The following PCDHGA4 variants were observed in gnomAD, a reference collection of about 807,000 sequenced individuals.
The protein encoded by PCDHGA4 is protocadherin gamma subfamily A, 4, also known as protocadherin gamma-A4.
Under a neutral mutation model 54.6 loss-of-function variants are expected in PCDHGA4, and 38 were observed. The ratio of observed to expected loss-of-function variants is 0.70; its 90% confidence interval spans 0.54 to 0.91. PCDHGA4 has a LOEUF of 0.91. Ranked by LOEUF, PCDHGA4 falls within the 40% of genes least tolerant of loss-of-function variation. PCDHGA4 has a pLI of 0.00. For synonymous variants in PCDHGA4, 511 were observed against 512.9 expected, an observed-to-expected ratio of 1.00 and a Z score of 0.05; for missense variants, 1,298 against 1,220.9, an observed-to-expected ratio of 1.06 and a Z score of -0.94.
chr5:141,428,108 G>C (rs771684309), intron 1 of PCDHGA4: 6 of 1,608,094 alleles, frequency 3.7e-6, no homozygotes, highest in Admixed American at 1.7e-5. Context: ...ACGTGCTGCA[G>C]GCCATCGAGC....
At position 141,493,887 on chromosome 5, in the gene PCDHGA4, G is replaced by C. The variant is rs760575047; in HGVS notation, c.2515-920G>C. On this transcript the variant is annotated intron_variant, in intron 1 of 3. Transcript: ENST00000571252. This position sits in a 1 kb window ranked among gnomAD's most constrained non-coding sequence, Gnocchi z 4.3. Reference sequence around the variant, plus strand: ...AGAACCAGTGAGGAGGTGGCTCTAGGAGTGCTCCATGAGAGTGTGTGATGG... The same window carrying C: ...AGAACCAGTGAGGAGGTGGCTCTAGCAGTGCTCCATGAGAGTGTGTGATGG... Among the ~76,000 whole-genome samples, 11 of 152,184 alleles carry C rather than the reference G, an allele frequency of 7.2e-5. No homozygotes were observed. Among genetic ancestry groups the C allele is most frequent in the Non-Finnish European group, 1.2e-4 (8 of 68,026 alleles).
In PCDHGA4 at chr5:141,486,172, T is replaced by C; in HGVS notation, c.2515-8635T>C. ...GGGGTTCTCCAGCCATGGAGCAACA[T>C]TGCAGCCTTCGAGTGGATCTGCTGG... On this transcript the variant is annotated intron_variant, in intron 1 of 3. Transcript: ENST00000571252. The surrounding 1 kb of genome is among the most constrained non-coding windows in gnomAD (Gnocchi z 5.0). 3 of 1,614,212 alleles carry C rather than the reference T, an allele frequency of 1.9e-6. No homozygotes were observed. Among genetic ancestry groups the C allele is most frequent in the Admixed American group, 1.7e-5 (1 of 60,036 alleles).
intron 1 of PCDHGA4, chr5:141,417,676 C>A (rs902104404): frequency 4.0e-6 from 4 of 993,448 alleles, no homozygotes; most frequent in Middle Eastern, 3.3e-4. Flanking sequence ...GCGCAGCCAA[C>A]AACAGAAAAG....
In PCDHGA4 at chr5:141,356,062, A is replaced by C; in HGVS notation, c.955A>C (p.Ile319Leu). 6.2e-7 allele frequency: 1 copy of C among 1,613,922 alleles called. No individual in the cohort carries two copies. The highest frequency in any genetic ancestry group is 8.5e-7 in the Non-Finnish European group (1 of 1,179,880). The change falls in exon 1 of 4, where the codon ATA (isoleucine) becomes CTA (leucine). Residue 319 changes from isoleucine (I) to leucine (L), a missense_variant. Transcript: ENST00000571252. ...TYSFRKVRDK[I>L]SQLFQLNSLS... ...TTCTTTCCGGAAAGTAAGAGACAAA[A>C]TATCACAGCTATTTCAGTTGAATTC...
At chr5:141,415,015 A>C (rs2095814085) in intron 1 of PCDHGA4, 1 of 1,613,598 alleles carries the variant, frequency 6.2e-7, no homozygotes, top group East Asian at 2.2e-5. Flanking sequence ...CCGTCTGCTC[A>C]AGGCCAGCGA....
intron 1 of PCDHGA4, chr5:141,388,676 G>T: frequency 7.4e-6 from 12 of 1,613,944 alleles, no homozygotes; most frequent in Non-Finnish European, 1.0e-5. Context: ...TGCTACAGGT[G>T]ACTGCCACGG....
rs141959335 is a variant in PCDHGA4, at chr5:141,491,261, T to C, written c.2515-3546T>C. On this transcript the variant is annotated intron_variant, in intron 1 of 3. Transcript: ENST00000571252. This position sits in a 1 kb window ranked among gnomAD's most constrained non-coding sequence, Gnocchi z 6.9. Reference sequence around the variant, plus strand: ...CTGGAGGATGAGGACCCTGAGGAAATGCCCAAATCCAGTGACTTCCTCATA... The same window carrying C: ...CTGGAGGATGAGGACCCTGAGGAAACGCCCAAATCCAGTGACTTCCTCATA... 104 of 1,614,044 alleles carry C rather than the reference T, an allele frequency of 6.4e-5. No individual in the cohort carries two copies. Among genetic ancestry groups the C allele is most frequent in the Non-Finnish European group, 8.1e-5 (95 of 1,180,028 alleles).
At chr5:141,441,878 TG>T in intron 1 of PCDHGA4, 1 of 343,708 alleles carries the variant, frequency 2.9e-6, no homozygotes, top group Non-Finnish European at 5.6e-6. Context: ...CCTGGCTACC[TG>T]GTCACCAAGG....
chr5:141,486,444 T>G lies in PCDHGA4; in HGVS notation c.2515-8363T>G. 1 of 1,614,086 alleles carries G rather than the reference T, an allele frequency of 6.2e-7. No homozygotes were observed. Among genetic ancestry groups the G allele is most frequent in the Non-Finnish European group, 8.5e-7 (1 of 1,179,930 alleles). ...GAGGCCAAATCTAGCTATGACATCA[T>G]GGTCACTGCTTCTGATGCTGGGAAC... On this transcript the variant is annotated intron_variant, in intron 1 of 3. Coordinates refer to ENST00000571252, the MANE Select transcript of PCDHGA4 (RefSeq NM_018917.4). The surrounding 1 kb of genome is among the most constrained non-coding windows in gnomAD (Gnocchi z 5.0).
intron 1 of PCDHGA4, chr5:141,427,949 C>T (rs2097092193): frequency 1.3e-6 from 2 of 1,586,882 alleles, no homozygotes; most frequent in South Asian, 1.1e-5. Context: ...ACCTCAATGA[C>T]AATGTGCCGC....
At chr5:141,410,258 G>C in intron 1 of PCDHGA4, 1 of 1,614,022 alleles carries the variant, frequency 6.2e-7, no homozygotes, top group Non-Finnish European at 8.5e-7. Context: ...TGACCCCCAG[G>C]CTGAACTGCA....
intron 1 of PCDHGA4, among the ~76,000 whole-genome samples, chr5:141,407,232 A>G (rs2094902362): frequency 6.6e-6 from 1 of 152,242 alleles, no homozygotes; most frequent in African/African-American, 2.4e-5. Flanking sequence ...CAAAAAAAAT[A>G]AAGCATACTT....
In PCDHGA4 at chr5:141,356,661, C is replaced by G; in HGVS notation, c.1554C>G (p.Ile518Met). ...QDPDSGDNARITYSLAEDTFQ... is the reference protein window; with the variant it reads ...QDPDSGDNARMTYSLAEDTFQ... ...CTGACAGTGGTGACAATGCCCGAAT[C>G]ACTTACTCCCTGGCCGAAGACACCT... Residue 518 changes from isoleucine to methionine, a missense_variant, in exon 1 of 4, where the codon ATC becomes ATG. Transcript: ENST00000571252. 1 of 1,614,052 alleles carries G rather than the reference C, an allele frequency of 6.2e-7. No individual in the cohort carries two copies. The highest frequency in any genetic ancestry group is 8.5e-7 in the Non-Finnish European group (1 of 1,179,912).
intron 1 of PCDHGA4, chr5:141,478,485 G>C (rs2099459345): frequency 1.2e-6 from 2 of 1,613,204 alleles, no homozygotes; most frequent in East Asian, 4.5e-5. Flanking sequence ...AACACGCTGC[G>C]GAGCTGTGAT....
intron 1 of PCDHGA4, among the ~76,000 whole-genome samples, chr5:141,438,119 A>G (rs2097930168): frequency 6.6e-6 from 1 of 152,220 alleles, no homozygotes; most frequent in Non-Finnish European, 1.5e-5. Flanking sequence ...ATGCATTCCT[A>G]AAATATTAAT....
chr5:141,387,756 A>G, intron 1 of PCDHGA4: 1 of 1,413,288 alleles, frequency 7.1e-7, no homozygotes, highest in Non-Finnish European at 9.4e-7. Context: ...CTCCTCGGAA[A>G]AAGAAGAATT....
chr5:141,362,657 G>T, intron 1 of PCDHGA4: 1 of 1,396,950 alleles, frequency 7.2e-7, no homozygotes, highest in Non-Finnish European at 9.5e-7. Context: ...GTTAGATTTG[G>T]CCAATGTTGT....
Position 141,489,111 on chromosome 5 carries a change from C to T in PCDHGA4, c.2515-5696C>T. The T allele has an allele frequency of 1.9e-6, 1 of 518,040 alleles. No individual in the cohort carries two copies. Among genetic ancestry groups the T allele is most frequent in the African/African-American group, 1.9e-5 (1 of 51,336 alleles). The allele number at this position is 518,040 out of a possible 1,614,324, so 32.1% of individuals were successfully genotyped here. ...GTGACTAAGAACTGCTGCAAGCAGG[C>T]AAACCTCCGAGCAGTTTTTAAGAGG... On this transcript the variant is annotated intron_variant, in intron 1 of 3. Transcript: ENST00000571252. This position sits in a 1 kb window ranked among gnomAD's most constrained non-coding sequence, Gnocchi z 4.5.
At chr5:141,439,432 A>C (rs537630916) in intron 1 of PCDHGA4, among the ~76,000 whole-genome samples, 1 of 152,326 alleles carries the variant, frequency 6.6e-6, no homozygotes, top group African/African-American at 2.4e-5. Flanking sequence ...AATTCCCAGG[A>C]ATATTTTATT....
Sources: allele counts gnomAD v4.1 joint callset (sites outside exome capture counted in the v4.1 genomes callset), GRCh38; gene constraint gnomAD v4.1.1; non-coding constraint Gnocchi (gnomAD v3.1); transcripts MANE v1.5; gene names NCBI Gene and HGNC (gene_info 2026-07-23, HGNC 2026-07-21).